Variants in CEP104 observed in about 807,000 individuals in gnomAD.
CEP104 encodes the protein centrosomal protein 104, also known as centrosomal protein of 104 kDa.
CEP104 carries 84 observed loss-of-function variants against 113.3 expected under a neutral mutation model. That is an observed-to-expected ratio of 0.74 (90% CI 0.62 to 0.89). The LOEUF (loss-of-function observed/expected upper bound fraction) is 0.89. Ranked by LOEUF, CEP104 falls within the 40% of genes least tolerant of loss-of-function variation. The pLI is 0.00. For missense variants in CEP104, 1,053 were observed against 1,156.6 expected, an observed-to-expected ratio of 0.91 and a Z score of 1.30; for synonymous variants, 378 against 421.7, an observed-to-expected ratio of 0.90 and a Z score of 1.27.
chr1:3,830,569 C>T (rs1347066867), intron 13 of CEP104, among the ~76,000 whole-genome samples: 4 of 151,558 alleles, frequency 2.6e-5, no homozygotes, highest in African/African-American at 9.7e-5. Flanking sequence ...GTCAGGAGAT[C>T]GAGACCATCC....
In CEP104 at chr1:3,813,140, A is replaced by G. The variant is rs1203078673; in HGVS notation, c.*2262T>C. 1 of 152,110 alleles carries G rather than the reference A, an allele frequency of 6.6e-6. No homozygotes were observed. The allele number at this position is 152,110 out of a possible 1,614,324, so 9.4% of individuals were successfully genotyped here. A position where few individuals can be genotyped will look rare whatever the true frequency, so the allele number is the denominator to read the frequency against. ...TGTTTTGTCTGTATTTTAAAAATGG[A>G]TTAGAAAATAATGGCCAACATCTCT... On this transcript the variant is annotated 3_prime_UTR_variant, in exon 22 of 22. Transcript: ENST00000378230.
chr1:3,830,434 G>A (rs969910270), intron 13 of CEP104, among the ~76,000 whole-genome samples: 1 of 151,930 alleles, frequency 6.6e-6, no homozygotes, highest in African/African-American at 2.4e-5. Context: ...CCAGATAAGG[G>A]GCTTCAACCT....
intron 12 of CEP104, among the ~76,000 whole-genome samples, chr1:3,832,383 TAGCGTAGGTCGTGACCAGG>T (rs1644228301): frequency 7.9e-6 from 1 of 126,922 alleles, no homozygotes; most frequent in African/African-American, 3.0e-5. Flanking sequence ...ACCAGGAGTG[TAGCGTAGGTCGTGACCAGG>T]AGTGTAGCGT....
intron 15 of CEP104, among the ~76,000 whole-genome samples, chr1:3,827,743 G>C (rs932528724): frequency 1.3e-5 from 2 of 152,214 alleles, no homozygotes; most frequent in Non-Finnish European, 2.9e-5. Flanking sequence ...ACCAGGCCCT[G>C]TGTGGGGCGC....
Position 3,813,677 on chromosome 1 carries a change from C to G in CEP104, c.*1725G>C, listed in dbSNP as rs1270104610. The G allele has an allele frequency of 6.6e-6, 1 of 151,712 alleles. No individual in the cohort carries two copies. The highest frequency in any genetic ancestry group is 1.5e-5 in the Non-Finnish European group (1 of 67,968). The allele number at this position is 151,712 out of a possible 1,614,324, so 9.4% of individuals were successfully genotyped here. A position where few individuals can be genotyped will look rare whatever the true frequency, so the allele number is the denominator to read the frequency against. ...CAGCCTGGCCAACATGGTGAAACCC[C>G]ATCTCTACTAAAAATAGAAAAAATT... On this transcript the variant is annotated 3_prime_UTR_variant, in exon 22 of 22. Coordinates refer to ENST00000378230, the MANE Select transcript of CEP104 (RefSeq NM_014704.4).
intron 1 of CEP104, among the ~76,000 whole-genome samples, chr1:3,855,566 G>GC (rs1644704116): frequency 6.6e-6 from 1 of 151,972 alleles, no homozygotes; most frequent in South Asian, 2.1e-4. Flanking sequence ...ATGCTATACT[G>GC]CCCCCAACAA....
At chr1:3,826,841 T>G in intron 15 of CEP104, 97 bp from the exon 16 acceptor site, 2 of 1,321,072 alleles carry the variant, frequency 1.5e-6, no homozygotes, top group South Asian at 1.2e-5. Flanking sequence ...AGCACATTTC[T>G]GGGTTTTGTT....
rs773978337 is a variant in CEP104, at chr1:3,814,659, C to CTG, written c.*741_*742dup. ...GCAAAGGCACGGGAAGGGCCCACAC[C>CTG]TGTGTCTACCTCAGTTCCAGCAGGG... On this transcript the variant is annotated 3_prime_UTR_variant, in exon 22 of 22. Transcript: ENST00000378230. The CTG allele has an allele frequency of 6.6e-6, 1 of 152,238 alleles. No individual in the cohort carries two copies. Among genetic ancestry groups the CTG allele is most frequent in the African/African-American group, 2.4e-5 (1 of 41,462 alleles). 9.4% of individuals were successfully genotyped at this position (152,238 alleles called of 1,614,324 possible). A position where few individuals can be genotyped will look rare whatever the true frequency, so the allele number is the denominator to read the frequency against.
chr1:3,850,844 T>C (rs1478647588), intron 2 of CEP104, among the ~76,000 whole-genome samples: 8 of 152,210 alleles, frequency 5.3e-5, no homozygotes, highest in African/African-American at 1.9e-4. Context: ...ACCATGTCAA[T>C]GCACAAGAGA....
intron 20 of CEP104, among the ~76,000 whole-genome samples, chr1:3,820,026 C>A (rs532483203): frequency 6.6e-6 from 1 of 152,156 alleles, no homozygotes; most frequent in South Asian, 2.1e-4. Flanking sequence ...TGGCTCCGGA[C>A]CCAGGGAACC....
intron 13 of CEP104, 53 bp from the exon 14 acceptor site, chr1:3,830,050 T>C: frequency 7.6e-7 from 1 of 1,316,446 alleles, no homozygotes; most frequent in Non-Finnish European, 1.1e-6. Flanking sequence ...ACTAATTTCT[T>C]CCAGCTTACA....
chr1:3,822,331 G>T (rs1446013540), intron 20 of CEP104, among the ~76,000 whole-genome samples: 2 of 152,330 alleles, frequency 1.3e-5, no homozygotes, highest in Admixed American at 1.3e-4. Flanking sequence ...TTCTCTGTTT[G>T]GTGTGAGTTT....
At chr1:3,843,871 C>G (rs1644459763) in intron 6 of CEP104, among the ~76,000 whole-genome samples, 2 of 152,066 alleles carry the variant, frequency 1.3e-5, no homozygotes, top group African/African-American at 2.4e-5. Context: ...AAGTCATTCT[C>G]CTGCCTCAGC....
At chr1:3,855,650 C>T (rs1348365939) in intron 1 of CEP104, among the ~76,000 whole-genome samples, 1 of 152,162 alleles carries the variant, frequency 6.6e-6, no homozygotes, top group African/African-American at 2.4e-5. Flanking sequence ...AATGCTATTA[C>T]CTCAGTCTGG....
intron 20 of CEP104, among the ~76,000 whole-genome samples, chr1:3,818,930 T>C (rs1643920535): frequency 6.6e-6 from 1 of 152,200 alleles, no homozygotes; most frequent in African/African-American, 2.4e-5. Context: ...TCCCTTCCTA[T>C]TCTGAAGGCT....
At chr1:3,837,151 ATGGCTCCTAGAATGGAACAGAGGTGGGTC>A in intron 9 of CEP104, 112 bp downstream of exon 9, 1 of 658,492 alleles carries the variant, frequency 1.5e-6, no homozygotes, top group Non-Finnish European at 2.7e-6. Context: ...ACTCAGCACT[ATGGCTCCTAGAATGGAACAGAGGTGGGTC>A]TGGCTGGGGA....
chr1:3,818,071 C>T (rs1246041846), intron 20 of CEP104, among the ~76,000 whole-genome samples: 2 of 152,202 alleles, frequency 1.3e-5, no homozygotes, highest in African/African-American at 2.4e-5. Context: ...CAGGCGGCTG[C>T]GATCAGCTGA....
chr1:3,823,935 C>T lies in CEP104; in HGVS notation c.2365-373G>A, dbSNP rs769637042. Reference sequence around the variant, plus strand: ...CTATTTCTAAGAATGCACACAGAAACAGGACCACAGAAAAGAATTTTAAGA... The same window carrying T: ...CTATTTCTAAGAATGCACACAGAAATAGGACCACAGAAAAGAATTTTAAGA... On this transcript the variant is annotated intron_variant, in intron 18 of 21. Transcript: ENST00000378230. The surrounding 1 kb of genome is among the most constrained non-coding windows in gnomAD (Gnocchi z 4.1). Among the ~76,000 whole-genome samples, 2 of 152,184 alleles carry T rather than the reference C, an allele frequency of 1.3e-5. No homozygotes were observed. Among genetic ancestry groups the T allele is most frequent in the Non-Finnish European group, 2.9e-5 (2 of 68,042 alleles).
At chr1:3,830,766 G>A (rs1353301063) in intron 13 of CEP104, among the ~76,000 whole-genome samples, 1 of 114,226 alleles carries the variant, frequency 8.8e-6, no homozygotes, top group Non-Finnish European at 1.7e-5. Context: ...GACAGAACGA[G>A]ACTCCATCTC....
Sources: allele counts gnomAD v4.1 joint callset (sites outside exome capture counted in the v4.1 genomes callset), GRCh38; gene constraint gnomAD v4.1.1; non-coding constraint Gnocchi (gnomAD v3.1); transcripts MANE v1.5; gene names NCBI Gene and HGNC (gene_info 2026-07-23, HGNC 2026-07-21).